Variants in ARID1A observed in about 807,000 individuals in gnomAD.
ARID1A encodes AT-rich interaction domain 1A.
A neutral mutation model predicts 212.6 loss-of-function variants in ARID1A; 20 were observed. The ratio of observed to expected loss-of-function variants is 0.09; its 90% CI spans 0.07 to 0.14. The LOEUF is 0.14. Ranked by LOEUF, ARID1A falls within the 10% of genes least tolerant of loss-of-function variation. ARID1A has a pLI of 1.00. For synonymous variants in ARID1A, 1,376 were observed against 1,222.1 expected (o/e 1.13, Z -2.63); for missense variants, 2,587 against 3,059.0 (o/e 0.85, Z 3.64).
intron 4 of ARID1A, among the ~76,000 whole-genome samples, chr1:26,744,975 T>C (rs2080823493): frequency 6.6e-6 from 1 of 152,218 alleles, no homozygotes; most frequent in African/African-American, 2.4e-5. Flanking sequence ...ACAAAAAATA[T>C]GCTTCGTGAA....
At chr1:26,770,675 T>A (rs1419686629) in intron 11 of ARID1A, 1 of 165,330 alleles carries the variant, frequency 6.0e-6, no homozygotes, top group African/African-American at 2.4e-5. Context: ...AGAGAATCGC[T>A]TGAGCCCGGG....
At chr1:26,766,951 T>TA (rs1443171411) in intron 10 of ARID1A, among the ~76,000 whole-genome samples, 4 of 152,180 alleles carry the variant, frequency 2.6e-5, no homozygotes, top group Admixed American at 1.3e-4. Flanking sequence ...TCCTGAACCT[T>TA]ACTCATAGCA....
At chr1:26,772,731 A>C (rs2081094855) in intron 13 of ARID1A, 81 bp from the exon 14 acceptor site, 8 of 1,606,544 alleles carry the variant, frequency 5.0e-6, no homozygotes, top group Non-Finnish European at 6.8e-6. Flanking sequence ...CTGCCTTCCC[A>C]GCCAGTGACT....
chr1:26,741,731 AG>A (rs2080790224), intron 4 of ARID1A, among the ~76,000 whole-genome samples: 2 of 152,216 alleles, frequency 1.3e-5, no homozygotes, highest in South Asian at 4.1e-4. Context: ...AGGGAGGTGG[AG>A]AACAGAATTA....
chr1:26,696,511 G>C lies in ARID1A; in HGVS notation c.108G>C (p.Gly36=). The C allele has an allele frequency of 8.1e-7, 1 of 1,229,382 alleles. No individual in the cohort carries two copies. The highest frequency in any genetic ancestry group is 1.0e-6 in the Non-Finnish European group (1 of 988,122). 76.2% of individuals were successfully genotyped at this position (1,229,382 alleles called of 1,614,324 possible). The change falls in exon 1 of 20, where the codon GGG becomes GGC. Residue 36 remains glycine, a synonymous_variant. Transcript: ENST00000324856. The part of the protein sequence containing the change: ...KAEQQQREEA[G]GEAAAAAAAE... ...AGCAGCAGCAGCGGGAGGAGGCGGG[G>C]GGCGAGGCGGCGGCGGCGGCAGCGG...
At chr1:26,740,292 G>A (rs2080775627) in intron 4 of ARID1A, among the ~76,000 whole-genome samples, 1 of 152,184 alleles carries the variant, frequency 6.6e-6, no homozygotes, top group African/African-American at 2.4e-5. Context: ...ATTCCTAAAG[G>A]ATCCTCCTGT....
chr1:26,776,256 G>GGATTT (rs1222014557), intron 19 of ARID1A, among the ~76,000 whole-genome samples: 10 of 151,274 alleles, frequency 6.6e-5, no homozygotes, highest in Admixed American at 2.0e-4. Flanking sequence ...AGTGGATGGG[G>GGATTT]GATTTGATTG....
At chr1:26,769,217 T>G (rs960408191) in intron 11 of ARID1A, 5 of 152,176 alleles carry the variant, frequency 3.3e-5, no homozygotes, top group African/African-American at 9.7e-5. Context: ...CACTTCTGAT[T>G]GGGTGGGCTT....
At chr1:26,757,530 G>C (rs959937547) in intron 4 of ARID1A, among the ~76,000 whole-genome samples, 1 of 152,008 alleles carries the variant, frequency 6.6e-6, no homozygotes. Flanking sequence ...ATTGAACAGT[G>C]GTTTCTCTGT....
chr1:26,753,811 C>T (rs1470400697), intron 4 of ARID1A, among the ~76,000 whole-genome samples: 1 of 152,216 alleles, frequency 6.6e-6, no homozygotes, highest in African/African-American at 2.4e-5. Flanking sequence ...ACCTGAGAGT[C>T]CTGAGATGCC....
chr1:26,718,060 C>T (rs1443714405), intron 1 of ARID1A, among the ~76,000 whole-genome samples: 8 of 152,122 alleles, frequency 5.3e-5, no homozygotes, highest in African/African-American at 1.9e-4. Context: ...ACGCAACCTC[C>T]GCTTCCCAGG....
chr1:26,707,964 T>C (rs780046559), intron 1 of ARID1A, among the ~76,000 whole-genome samples: 26 of 152,206 alleles, frequency 1.7e-4, no homozygotes, highest in African/African-American at 6.3e-4. Context: ...CAAGATTGTT[T>C]AGGACATTAT....
intron 1 of ARID1A, among the ~76,000 whole-genome samples, chr1:26,716,444 G>GT (rs980575889): frequency 2.6e-5 from 4 of 152,050 alleles, no homozygotes; most frequent in African/African-American, 9.7e-5. Context: ...CAACACAACT[G>GT]TTTTTTTAAA....
chr1:26,765,155 A>G (rs1025679990), intron 8 of ARID1A: 5 of 151,216 alleles, frequency 3.3e-5, no homozygotes, highest in Non-Finnish European at 7.3e-5. Context: ...AGATCATGCC[A>G]TTGCACTCCA....
At chr1:26,759,282 A>G (rs2080969398) in intron 4 of ARID1A, among the ~76,000 whole-genome samples, 1 of 152,110 alleles carries the variant, frequency 6.6e-6, no homozygotes, top group African/African-American at 2.4e-5. Context: ...GGCTCACTAC[A>G]GCCTCCTCCT....
In ARID1A at chr1:26,782,060, A is replaced by C. The variant is rs1411656473; in HGVS notation, c.*1304A>C. ...TTATTCAGTATGAAATCTTTATACT[A>C]TATGTTCCACGTGTTAAGAATAAAT... On this transcript the variant is annotated 3_prime_UTR_variant, in exon 20 of 20. Transcript: ENST00000324856. 4.4e-6 allele frequency: 1 copy of C among 229,622 alleles called. No homozygotes were observed. The highest frequency in any genetic ancestry group is 8.6e-6 in the Non-Finnish European group (1 of 115,658). The allele number at this position is 229,622 out of a possible 1,614,324, so 14.2% of individuals were successfully genotyped here. A position where few individuals can be genotyped will look rare whatever the true frequency, so the allele number is the denominator to read the frequency against.
At chr1:26,716,161 G>A (rs1344301046) in intron 1 of ARID1A, among the ~76,000 whole-genome samples, 1 of 147,704 alleles carries the variant, frequency 6.8e-6, no homozygotes, top group Admixed American at 6.8e-5. Context: ...AGCCAAGATC[G>A]CGCCACTGCA....
intron 11 of ARID1A, 139 bp from the exon 12 acceptor site, chr1:26,770,980 A>G: frequency 2.7e-6 from 2 of 737,976 alleles, no homozygotes; most frequent in East Asian, 2.7e-5. Context: ...CTATCCACCA[A>G]GCAAGATTAA....
chr1:26,750,945 T>G (rs2080878825), intron 4 of ARID1A, among the ~76,000 whole-genome samples: 1 of 151,970 alleles, frequency 6.6e-6, no homozygotes, highest in South Asian at 2.1e-4. Flanking sequence ...GGCTGAAAGT[T>G]ATAGCAAGAG....
Sources: allele counts gnomAD v4.1 joint callset (sites outside exome capture counted in the v4.1 genomes callset), GRCh38; gene constraint gnomAD v4.1.1; transcripts MANE v1.5; gene names NCBI Gene and HGNC (gene_info 2026-07-23, HGNC 2026-07-21).